Variants in HMGN5 observed in about 807,000 individuals in gnomAD.
The protein encoded by HMGN5 is high mobility group nucleosome-binding domain-containing protein 5.
HMGN5 carries 4 observed loss-of-function variants against 9.5 expected under a neutral mutation model. The observed-to-expected ratio is 0.42, with a 90% CI of 0.21 to 0.96. The LOEUF (loss-of-function observed/expected upper bound fraction) is 0.96, where lower values mean the gene tolerates loss of function less well. Among genes scored for constraint, HMGN5 ranks in the 40% least tolerant of loss-of-function variants. HMGN5 has a pLI of 0.30. For missense variants in HMGN5, 192 were observed against 187.5 expected (o/e 1.02, Z -0.14); for synonymous variants, 55 against 57.1 (o/e 0.96, Z 0.16).
chrX:81,131,719 G>A (rs1004236565), intron 1 of HMGN5, among the ~76,000 whole-genome samples: 1 of 111,117 alleles, frequency 9.0e-6, no homozygotes, highest in Non-Finnish European at 1.9e-5. Context: ...TTACCTCAAA[G>A]AATAAGAAAC....
chrX:81,119,413 T>A (rs939759565), intron 3 of HMGN5, among the ~76,000 whole-genome samples: 3 of 111,790 alleles, frequency 2.7e-5, no homozygotes, highest in African/African-American at 9.7e-5. Flanking sequence ...GTTTCACATA[T>A]GTGAACAGTC....
At chrX:81,186,790 A>G (rs948637864) in intron 1 of HMGN5, among the ~76,000 whole-genome samples, 1 of 111,532 alleles carries the variant, frequency 9.0e-6, no homozygotes, top group Non-Finnish European at 1.9e-5. Context: ...TTTACAATAA[A>G]TTATTAGGTT....
chrX:81,176,926 C>A (rs933447736), intron 1 of HMGN5, among the ~76,000 whole-genome samples: 1 of 110,657 alleles, frequency 9.0e-6, no homozygotes, highest in Non-Finnish European at 1.9e-5. Context: ...CATTCAACTT[C>A]AGGAAATACA....
chrX:81,192,756 A>G (rs2075497438), intron 1 of HMGN5, among the ~76,000 whole-genome samples: 1 of 112,136 alleles, frequency 8.9e-6, no homozygotes, highest in Non-Finnish European at 1.9e-5. Context: ...CTATGCTGAC[A>G]GTTATTATTT....
chrX:81,133,410 T>C (rs912591164), intron 1 of HMGN5, among the ~76,000 whole-genome samples: 4 of 111,343 alleles, frequency 3.6e-5, no homozygotes, highest in African/African-American at 1.3e-4. Flanking sequence ...CTGCAAACAT[T>C]TGTTAATTGC....
intron 1 of HMGN5, among the ~76,000 whole-genome samples, chrX:81,159,571 T>C (rs1365385678): frequency 9.0e-6 from 1 of 111,294 alleles, no homozygotes; most frequent in Non-Finnish European, 1.9e-5. Flanking sequence ...GGTGATAAGA[T>C]GAATCAATAA....
intron 1 of HMGN5, among the ~76,000 whole-genome samples, chrX:81,136,099 G>T (rs1012804954): frequency 1.8e-5 from 2 of 111,746 alleles, no homozygotes; most frequent in African/African-American, 6.5e-5. Flanking sequence ...AGAACTGTGA[G>T]CTAAGTAAAT....
chrX:81,169,590 A>C (rs2075419780), intron 1 of HMGN5, among the ~76,000 whole-genome samples: 1 of 111,861 alleles, frequency 8.9e-6, no homozygotes, highest in Non-Finnish European at 1.9e-5. Flanking sequence ...ATGATTGGCC[A>C]GTCCCATTAG....
intron 1 of HMGN5, among the ~76,000 whole-genome samples, chrX:81,124,709 A>AT (rs780335911): frequency 8.9e-6 from 1 of 112,183 alleles, no homozygotes; most frequent in East Asian, 2.8e-4. Flanking sequence ...TAAAAAGGTT[A>AT]TTTTTGTGTA....
At chrX:81,143,431 G>A (rs1042291449) in intron 1 of HMGN5, among the ~76,000 whole-genome samples, 11 of 112,299 alleles carry the variant, frequency 9.8e-5, no homozygotes, top group Non-Finnish European at 2.1e-4. Flanking sequence ...CGAGATTGAT[G>A]CAGAAGGCAG....
intron 5 of HMGN5, 135 bp from the exon 6 acceptor site, chrX:81,116,476 C>A: frequency 2.5e-6 from 1 of 405,891 alleles, no homozygotes; most frequent in Admixed American, 5.0e-5. Flanking sequence ...AATCTGGTAT[C>A]AACAAAATTA....
intron 1 of HMGN5, among the ~76,000 whole-genome samples, chrX:81,123,688 A>G (rs2075275292): frequency 8.9e-6 from 1 of 112,542 alleles, no homozygotes; most frequent in African/African-American, 3.2e-5. Context: ...GAAACCCTGT[A>G]GCATGCAAAG....
At chrX:81,143,693 C>G (rs1271805252) in intron 1 of HMGN5, among the ~76,000 whole-genome samples, 1 of 112,551 alleles carries the variant, frequency 8.9e-6, no homozygotes, top group Non-Finnish European at 1.9e-5. Flanking sequence ...AGGAGATTCC[C>G]TCTGGTGCCT....
intron 1 of HMGN5, among the ~76,000 whole-genome samples, chrX:81,128,144 G>T (rs1471663962): frequency 9.1e-6 from 1 of 110,348 alleles, no homozygotes; most frequent in Admixed American, 9.7e-5. Context: ...ATTCTTTTTT[G>T]TTTGTTTATT....
At chrX:81,149,842 T>C (rs780644557) in intron 1 of HMGN5, among the ~76,000 whole-genome samples, 22 of 111,866 alleles carry the variant, frequency 2.0e-4, no homozygotes, top group Non-Finnish European at 3.4e-4. Context: ...AAGTCACCAA[T>C]TCAGCAAGAT....
At chrX:81,192,859 A>G (rs948006123) in intron 1 of HMGN5, among the ~76,000 whole-genome samples, 3 of 109,508 alleles carry the variant, frequency 2.7e-5, no homozygotes, top group Non-Finnish European at 5.7e-5. Flanking sequence ...GTTCTGATGT[A>G]CAGTCAGCAA....
chrX:81,116,090 C>T (rs1009442528), intron 6 of HMGN5, 114 bp downstream of exon 6: 65 of 488,734 alleles, frequency 1.3e-4, no homozygotes, highest in Non-Finnish European at 2.2e-4. Context: ...ACTATAGAAC[C>T]ACTGCTCACT....
chrX:81,120,039 C>A (rs1343179939), intron 2 of HMGN5, among the ~76,000 whole-genome samples: 1 of 112,323 alleles, frequency 8.9e-6, no homozygotes, highest in South Asian at 3.7e-4. Flanking sequence ...TACTTTTACA[C>A]AATTGATAGT....
intron 3 of HMGN5, 32 bp from the exon 4 acceptor site, chrX:81,118,791 A>T: frequency 9.8e-7 from 1 of 1,024,551 alleles, no homozygotes; most frequent in Non-Finnish European, 1.4e-6. Context: ...CTGTTAAGAG[A>T]ATTATGGATA....
Sources: allele counts gnomAD v4.1 joint callset (sites outside exome capture counted in the v4.1 genomes callset), GRCh38; gene constraint gnomAD v4.1.1; transcripts MANE v1.5; gene names NCBI Gene and HGNC (gene_info 2026-07-23, HGNC 2026-07-21).